Variants in MCC observed in about 807,000 individuals in gnomAD.
MCC encodes MCC regulator of Wnt signaling pathway.
In MCC, 90 loss-of-function variants were observed where a neutral mutation model predicts 116.2. That is an observed-to-expected ratio of 0.77 (90% CI 0.65 to 0.92). The LOEUF is 0.92. Among genes scored for constraint, MCC ranks in the 40% least tolerant of loss-of-function variants. The pLI, the probability that MCC is intolerant of heterozygous loss-of-function variation, is 0.00. For synonymous variants in MCC, 578 were observed against 510.5 expected, an observed-to-expected ratio of 1.13 and a Z score of -1.78; for missense variants, 1,516 against 1,312.2, an observed-to-expected ratio of 1.16 and a Z score of -2.40.
intron 17 of MCC, among the ~76,000 whole-genome samples, chr5:113,030,456 A>AT (rs2150206945): frequency 6.6e-6 from 1 of 152,282 alleles, no homozygotes; most frequent in Admixed American, 6.5e-5. Flanking sequence ...AGGAATGTGG[A>AT]TTACTTGAGC....
chr5:113,148,216 T>C (rs1759642811), intron 4 of MCC, among the ~76,000 whole-genome samples: 1 of 152,256 alleles, frequency 6.6e-6, no homozygotes, highest in Non-Finnish European at 1.5e-5. Context: ...TGTGCCCGTA[T>C]TCAATTTGGG....
intron 2 of MCC, among the ~76,000 whole-genome samples, chr5:113,344,428 T>C (rs951893582): frequency 6.6e-6 from 1 of 152,030 alleles, no homozygotes; most frequent in Non-Finnish European, 1.5e-5. Flanking sequence ...TAGGGCAGCA[T>C]ATGACCTGTG....
chr5:113,122,664 G>T lies in MCC; in HGVS notation c.1027+20C>A. The T allele has an allele frequency of 1.9e-6, 3 of 1,610,472 alleles. No individual in the cohort carries two copies. In the South Asian group the frequency reaches 3.3e-5, roughly 18 times the overall value. On this transcript the variant is annotated intron_variant, in intron 6 of 18. Transcript: ENST00000408903. ...CCAGAAACCAAACTCTGGCTTGGTG[G>T]CAAGGGCAGGCAGACTCACCCATGT... is the stretch of plus-strand genomic sequence containing the variant.
intron 1 of MCC, among the ~76,000 whole-genome samples, chr5:113,432,314 C>T (rs1770678777): frequency 9.0e-6 from 1 of 111,518 alleles, no homozygotes; most frequent in Admixed American, 1.1e-4. Flanking sequence ...GAGCGAGACT[C>T]TGTCTCAAAA....
chr5:113,433,711 T>A, intron 1 of MCC: 1 of 1,597,254 alleles, frequency 6.3e-7, no homozygotes, highest in Non-Finnish European at 8.5e-7. Flanking sequence ...GTGAGCTCCA[T>A]CTCATTCCCT....
chr5:113,459,549 A>G (rs1474112222), intron 1 of MCC, among the ~76,000 whole-genome samples: 1 of 151,958 alleles, frequency 6.6e-6, no homozygotes, highest in Non-Finnish European at 1.5e-5. Context: ...AAAAAAAGAA[A>G]AAGCCAGAAT....
intron 3 of MCC, among the ~76,000 whole-genome samples, chr5:113,218,689 A>C (rs1763422075): frequency 6.6e-6 from 1 of 152,200 alleles, no homozygotes; most frequent in Non-Finnish European, 1.5e-5. Flanking sequence ...CTCAATACAG[A>C]TTTTAGAATA....
chr5:113,208,418 G>A (rs1421905878), intron 3 of MCC, among the ~76,000 whole-genome samples: 2 of 152,146 alleles, frequency 1.3e-5, no homozygotes, highest in Non-Finnish European at 2.9e-5. Context: ...GCACCCAGAA[G>A]CTGTGTGCAG....
chr5:113,027,269 C>G lies in MCC; in HGVS notation c.*33G>C, dbSNP rs560311640. The stretch of plus-strand genomic sequence containing the variant: ...CCCAGTGGCCTGCTGCAGTTTACTT[C>G]CCATGGGCAGAACTCCGGTGCGTGA... On this transcript the variant is annotated 3_prime_UTR_variant, in exon 19 of 19. Coordinates refer to ENST00000408903, the MANE Select transcript of MCC (RefSeq NM_001085377.2). The G allele has an allele frequency of 4.0e-5, 64 of 1,609,268 alleles. No homozygotes were observed. In the South Asian group the frequency reaches 6.6e-4, roughly 17 times the overall value.
intron 8 of MCC, among the ~76,000 whole-genome samples, chr5:113,093,257 C>G (rs1161711897): frequency 6.6e-6 from 1 of 152,154 alleles, no homozygotes; most frequent in Non-Finnish European, 1.5e-5. Context: ...ATTATCTTCT[C>G]TCTCTGTCCT....
intron 8 of MCC, among the ~76,000 whole-genome samples, chr5:113,100,464 C>T (rs1242963386): frequency 8.9e-5 from 7 of 78,852 alleles, no homozygotes; most frequent in South Asian, 6.3e-4. Flanking sequence ...GTATTTTTCC[C>T]TTTTTTTTTT....
intron 3 of MCC, among the ~76,000 whole-genome samples, chr5:113,274,191 G>A (rs776679791): frequency 6.6e-6 from 1 of 152,224 alleles, no homozygotes; most frequent in Non-Finnish European, 1.5e-5. Context: ...GTAACAATGT[G>A]TGGTAGCAAT....
intron 3 of MCC, among the ~76,000 whole-genome samples, chr5:113,220,103 G>C (rs1269505268): frequency 1.8e-5 from 1 of 55,884 alleles, no homozygotes; most frequent in African/African-American, 2.9e-5. Context: ...TGTCACCCCG[G>C]CTGGAGTGCA....
At chr5:113,338,679 C>T (rs11241199) in intron 3 of MCC, among the ~76,000 whole-genome samples, 5,066 of 152,304 alleles carry the variant, frequency 0.033, 128 homozygotes, top group African/African-American at 0.068. Flanking sequence ...TGATATAGTA[C>T]AGAGGAGGGT....
intron 3 of MCC, among the ~76,000 whole-genome samples, chr5:113,153,813 G>A (rs1486515250): frequency 6.6e-6 from 1 of 152,162 alleles, no homozygotes; most frequent in African/African-American, 2.4e-5. Flanking sequence ...ATGTCTGAGT[G>A]GGGAAAAGAA....
intron 6 of MCC, among the ~76,000 whole-genome samples, chr5:113,108,673 G>T (rs1344259774): frequency 6.7e-6 from 1 of 148,316 alleles, no homozygotes; most frequent in African/African-American, 2.5e-5. Context: ...AAAAAAAAGG[G>T]AAGTAACCAT....
intron 3 of MCC, among the ~76,000 whole-genome samples, chr5:113,220,018 T>C (rs1290449646): frequency 6.6e-6 from 1 of 151,592 alleles, no homozygotes; most frequent in African/African-American, 2.4e-5. Context: ...AAAAGTCCTT[T>C]ACATTTCCAT....
intron 1 of MCC, among the ~76,000 whole-genome samples, chr5:113,461,169 G>C (rs1771731502): frequency 6.6e-6 from 1 of 152,110 alleles, no homozygotes; most frequent in Admixed American, 6.5e-5. Flanking sequence ...GCTGACACAG[G>C]AGGACTGCTT....
rs779282894 is a variant in MCC, at chr5:113,049,255, T to C, written c.2493A>G (p.Lys831=). 3.1e-6 allele frequency: 5 copies of C among 1,612,154 alleles called. No homozygotes were observed. The South Asian group carries it at 5.5e-5, about 18-fold the overall frequency. ...GCTTCAGCTCCAGGGCCTTCTTCTC[T>C]TTCTCCAGTAGGTAGAGCTGGGCCT... The part of the protein sequence containing the change: ...ELKAQLYLLE[K]EKKALELKLS... The change falls in exon 16 of 19, where the codon AAA becomes AAG. Residue 831 remains lysine, a synonymous_variant. Transcript: ENST00000408903.
Sources: gnomAD v4.1 joint callset for allele counts (sites outside exome capture counted in the v4.1 genomes callset) on GRCh38, gnomAD v4.1.1 for gene constraint, MANE v1.5 for transcripts, NCBI Gene and HGNC (gene_info 2026-07-23, HGNC 2026-07-21) for gene names.